The following GALNT13 variants were observed in gnomAD, a reference collection of about 807,000 sequenced individuals.
The protein encoded by GALNT13 is polypeptide N-acetylgalactosaminyltransferase 13.
GALNT13 carries 28 observed loss-of-function variants against 64.2 expected under a neutral mutation model. That is an observed-to-expected ratio of 0.44 (90% CI 0.32 to 0.60). The LOEUF (loss-of-function observed/expected upper bound fraction) is 0.60. Among genes scored for constraint, GALNT13 ranks in the 20% least tolerant of loss-of-function variants. The pLI is 0.05. For missense variants in GALNT13, 577 were observed against 669.8 expected, an observed-to-expected ratio of 0.86 and a Z score of 1.53; for synonymous variants, 214 against 224.6, an observed-to-expected ratio of 0.95 and a Z score of 0.42.
At chr2:153,767,795 T>C in the GALNT13 span, among the ~76,000 whole-genome samples, 3 of 118,582 alleles carry the variant, frequency 2.5e-5, no homozygotes, top group African/African-American at 3.7e-5. Context: ...TTTTTAATGT[T>C]TTTTTTTTTT....
intron 9 of GALNT13, among the ~76,000 whole-genome samples, chr2:154,366,305 T>C (rs1197458465): frequency 1.3e-5 from 2 of 152,168 alleles, no homozygotes; most frequent in Non-Finnish European, 2.9e-5. Context: ...AAATATATAG[T>C]TTAGAAAATA....
At chr2:153,804,366 G>A in the GALNT13 span, among the ~76,000 whole-genome samples, 1 of 152,048 alleles carries the variant, frequency 6.6e-6, no homozygotes, top group Non-Finnish European at 1.5e-5. Context: ...TGGTAGAGAT[G>A]GAGTCTCACT....
At chr2:153,619,199 C>T in the GALNT13 span, among the ~76,000 whole-genome samples, 8 of 151,850 alleles carry the variant, frequency 5.3e-5, no homozygotes, top group South Asian at 4.2e-4. Context: ...GTGTGTTTTT[C>T]GGTTTGAGAT....
At chr2:153,897,481 A>T (rs1190195862) in intron 1 of GALNT13, among the ~76,000 whole-genome samples, 8 of 152,124 alleles carry the variant, frequency 5.3e-5, no homozygotes, top group Admixed American at 2.6e-4. Flanking sequence ...TTGTCTGATT[A>T]TTGATGATGT....
At chr2:154,056,866 A>G (rs1699918722) in intron 3 of GALNT13, among the ~76,000 whole-genome samples, 1 of 151,888 alleles carries the variant, frequency 6.6e-6, no homozygotes, top group Non-Finnish European at 1.5e-5. Flanking sequence ...AGAAAAATTG[A>G]AGAATAATAT....
Position 154,373,666 on chromosome 2 carries a change from A to G in GALNT13, c.1157-22325A>G, listed in dbSNP as rs368112997. On this transcript the variant is annotated intron_variant, in intron 9 of 12. Coordinates refer to ENST00000392825, the MANE Select transcript of GALNT13 (RefSeq NM_052917.4). ...GCATCCCATGTTTCCACTGCTTTTTATATTGTCTTTACTTACATCATCATT... is the reference window on the plus strand; with the variant it reads ...GCATCCCATGTTTCCACTGCTTTTTGTATTGTCTTTACTTACATCATCATT... Among the ~76,000 whole-genome samples, 10 of 152,312 alleles carry G rather than the reference A, an allele frequency of 6.6e-5. 1 individual carries two copies. The South Asian group carries it at 1.9e-3, about 28-fold the overall frequency.
chr2:153,340,394 C>T, the GALNT13 span, among the ~76,000 whole-genome samples: 6 of 149,268 alleles, frequency 4.0e-5, no homozygotes, highest in East Asian at 2.0e-4. Context: ...AGGTGGCTCA[C>T]GCCTGTAATC....
At chr2:153,118,147 C>CACACACACACATA in the GALNT13 span, among the ~76,000 whole-genome samples, 36 of 140,264 alleles carry the variant, frequency 2.6e-4, no homozygotes, top group African/African-American at 9.7e-4. Context: ...ACACACACAC[C>CACACACACACATA]CCACATAAAC....
At chr2:153,664,749 G>A in the GALNT13 span, among the ~76,000 whole-genome samples, 2 of 152,116 alleles carry the variant, frequency 1.3e-5, no homozygotes, top group Non-Finnish European at 2.9e-5. Context: ...ATGTTCTTCT[G>A]CCACGGCTTC....
intron 9 of GALNT13, among the ~76,000 whole-genome samples, chr2:154,378,346 G>A (rs1285109034): frequency 1.3e-5 from 2 of 152,128 alleles, no homozygotes; most frequent in African/African-American, 4.8e-5. Context: ...GCCTTCACTT[G>A]AGACAATAAG....
chr2:154,397,231 C>G (rs1373929399), intron 10 of GALNT13, among the ~76,000 whole-genome samples: 1 of 151,798 alleles, frequency 6.6e-6, no homozygotes, highest in Non-Finnish European at 1.5e-5. Context: ...GCCAGGAGAT[C>G]GACACCATCC....
At chr2:153,828,161 A>G in the GALNT13 span, among the ~76,000 whole-genome samples, 1 of 152,176 alleles carries the variant, frequency 6.6e-6, no homozygotes, top group African/African-American at 2.4e-5. Context: ...CAGCTTTTCC[A>G]GGCACGCAGT....
At chr2:153,272,062 A>G in the GALNT13 span, among the ~76,000 whole-genome samples, 1 of 152,220 alleles carries the variant, frequency 6.6e-6, no homozygotes. Context: ...CTGGCTAGCC[A>G]TATGCAGAAA....
chr2:153,414,147 G>A, the GALNT13 span, among the ~76,000 whole-genome samples: 8 of 152,014 alleles, frequency 5.3e-5, no homozygotes, highest in African/African-American at 9.7e-5. Flanking sequence ...AGTCTGAGGC[G>A]GGCAGATCAC....
At chr2:154,368,579 G>C (rs949319733) in intron 9 of GALNT13, among the ~76,000 whole-genome samples, 1 of 152,202 alleles carries the variant, frequency 6.6e-6, no homozygotes, top group Non-Finnish European at 1.5e-5. Flanking sequence ...ACCTAATGCA[G>C]AGATGGGGAG....
At chr2:153,782,504 G>C in the GALNT13 span, among the ~76,000 whole-genome samples, 1 of 152,122 alleles carries the variant, frequency 6.6e-6, no homozygotes. Context: ...TATTATAATT[G>C]TATGGGACCT....
chr2:153,968,021 C>CT (rs35500109), intron 3 of GALNT13, among the ~76,000 whole-genome samples: 37,306 of 151,794 alleles, frequency 0.25, 5,045 homozygotes, highest in Non-Finnish European at 0.3. Context: ...GAAAGAGTCT[C>CT]TCCCAGTGCT....
intron 3 of GALNT13, among the ~76,000 whole-genome samples, chr2:153,946,489 C>T (rs1691753847): frequency 6.6e-6 from 1 of 152,138 alleles, no homozygotes; most frequent in South Asian, 2.1e-4. Context: ...AAGGAACAGA[C>T]ATTTATTTCT....
At chr2:153,671,730 T>A in the GALNT13 span, among the ~76,000 whole-genome samples, 1 of 152,168 alleles carries the variant, frequency 6.6e-6, no homozygotes, top group South Asian at 2.1e-4. Flanking sequence ...ATGGGCTAAA[T>A]GCTCCAATTA....
Sources: gnomAD v4.1 joint callset for allele counts (sites outside exome capture counted in the v4.1 genomes callset) on GRCh38, gnomAD v4.1.1 for gene constraint, MANE v1.5 for transcripts, NCBI Gene and HGNC (gene_info 2026-07-23, HGNC 2026-07-21) for gene names.